Variants in LRRC8A observed in about 807,000 individuals in gnomAD.
LRRC8A encodes volume-regulated anion channel subunit LRRC8A.
Under a neutral mutation model 52.5 loss-of-function variants are expected in LRRC8A, and 24 were observed. The observed-to-expected ratio is 0.46, with a 90% CI of 0.33 to 0.64. LRRC8A has a LOEUF of 0.64. Ranked by LOEUF, LRRC8A falls within the 30% of genes least tolerant of loss-of-function variation. The pLI is 0.02. For synonymous variants in LRRC8A, 492 were observed against 494.2 expected, an observed-to-expected ratio of 1.00 and a Z score of 0.06; for missense variants, 677 against 1,094.7, an observed-to-expected ratio of 0.62 and a Z score of 5.38.
intron 2 of LRRC8A, among the ~76,000 whole-genome samples, chr9:128,905,924 G>A (rs1047948587): frequency 6.6e-6 from 1 of 152,154 alleles, no homozygotes; most frequent in African/African-American, 2.4e-5. Flanking sequence ...TGCTGTTGCT[G>A]CTGTTTTTAA....
At chr9:128,882,352 T>C in intron 1 of LRRC8A, 102 bp downstream of exon 1, 1 of 193,998 alleles carries the variant, frequency 5.2e-6, no homozygotes, top group Non-Finnish European at 1.0e-5. Flanking sequence ...CCGGGGCATC[T>C]GGGGCTCTGT....
In LRRC8A at chr9:128,907,501, T is replaced by C. The variant is rs1156354825; in HGVS notation, c.337T>C (p.Cys113Arg). The change falls in exon 3 of 4, where the codon TGC becomes CGC. Residue 113 changes from cysteine to arginine, a missense_variant. Around this residue, in one of 4 missense-constraint regions of LRRC8A, gnomAD observed 422 missense variants for 741.5 expected, o/e 0.57. Transcript: ENST00000372600. This position sits in a 1 kb window ranked among gnomAD's most constrained non-coding sequence, Gnocchi z 9.3. Reference sequence around the variant, plus strand: ...CCAGTACAACTACGTGGACGCTGTGTGCTATGAGAACCGACTGCACTGGTT... The same window carrying C: ...CCAGTACAACTACGTGGACGCTGTGCGCTATGAGAACCGACTGCACTGGTT... ...RHQYNYVDAV[C>R]YENRLHWFAK... The C allele has an allele frequency of 6.2e-7, 1 of 1,614,092 alleles. No homozygotes were observed. The highest frequency in any genetic ancestry group is 2.2e-5 in the East Asian group (1 of 44,878).
chr9:128,892,142 C>G lies in LRRC8A; in HGVS notation c.-9+6021C>G, dbSNP rs148060731. Among the ~76,000 whole-genome samples the G allele has an allele frequency of 6.6e-6, 1 of 152,350 alleles. No homozygotes were observed. Among genetic ancestry groups the G allele is most frequent in the Non-Finnish European group, 1.5e-5 (1 of 68,034 alleles). ...GCCCAGCGAGGTGAAGGGACTTTCTCACGGTCTCGTGGTGAGGTGGGTGCC... is the reference window on the plus strand; with the variant it reads ...GCCCAGCGAGGTGAAGGGACTTTCTGACGGTCTCGTGGTGAGGTGGGTGCC... On this transcript the variant is annotated intron_variant, in intron 2 of 3. Coordinates refer to ENST00000372600, the MANE Select transcript of LRRC8A (RefSeq NM_019594.4). The surrounding 1 kb of genome is among the most constrained non-coding windows in gnomAD (Gnocchi z 5.2).
chr9:128,906,874 A>G (rs991882519), intron 2 of LRRC8A, among the ~76,000 whole-genome samples: 2 of 152,210 alleles, frequency 1.3e-5, no homozygotes, highest in Non-Finnish European at 2.9e-5. Context: ...CTGAGGCTGC[A>G]CTGGGGATCT....
intron 2 of LRRC8A, among the ~76,000 whole-genome samples, chr9:128,890,085 G>A (rs1588198866): frequency 6.6e-6 from 1 of 151,746 alleles, no homozygotes; most frequent in African/African-American, 2.4e-5. Context: ...TTACAGGTGT[G>A]AGCCACCGCA....
In LRRC8A at chr9:128,908,395, T is replaced by A; in HGVS notation, c.1231T>A (p.Trp411Arg). Reference sequence around the variant, plus strand: ...GCGGCAGCTGAACCTCAACAACGAGTGGACGCTGGACAAGCTCCGGCAGCG... The same window carrying A: ...GCGGCAGCTGAACCTCAACAACGAGAGGACGCTGGACAAGCTCCGGCAGCG... ...KLRQLNLNNE[W>R]TLDKLRQRLT... The change falls in exon 3 of 4, where the codon TGG (tryptophan) becomes AGG (arginine). Residue 411 changes from tryptophan to arginine, a missense_variant. Physicochemically the swap from Trp to Arg is moderately radical, Grantham distance 101 (BLOSUM62 -3). Transcript: ENST00000372600. 1 of 1,613,424 alleles carries A rather than the reference T, an allele frequency of 6.2e-7. No homozygotes were observed. The highest frequency in any genetic ancestry group is 8.5e-7 in the Non-Finnish European group (1 of 1,179,956).
At chr9:128,884,145 C>T (rs754696140) in intron 1 of LRRC8A, among the ~76,000 whole-genome samples, 3 of 152,180 alleles carry the variant, frequency 2.0e-5, no homozygotes, top group Non-Finnish European at 2.9e-5. Flanking sequence ...CTGGGGATCA[C>T]TGCCGTGGGT....
chr9:128,904,875 G>A (rs1840176108), intron 2 of LRRC8A, among the ~76,000 whole-genome samples: 1 of 151,858 alleles, frequency 6.6e-6, no homozygotes, highest in Non-Finnish European at 1.5e-5. Flanking sequence ...GCGGGTGCCT[G>A]TAGTCCCAGC....
chr9:128,894,921 G>A (rs1839766762), intron 2 of LRRC8A, among the ~76,000 whole-genome samples: 1 of 151,438 alleles, frequency 6.6e-6, no homozygotes, highest in South Asian at 2.1e-4. Context: ...CATTCATATT[G>A]TGTATCCATC....
chr9:128,914,240 C>T (rs569640765), intron 3 of LRRC8A, among the ~76,000 whole-genome samples: 1 of 148,454 alleles, frequency 6.7e-6, no homozygotes, highest in South Asian at 2.2e-4. Context: ...AAGCACTCTG[C>T]CGGGCCTTGG....
chr9:128,897,122 G>GTA (rs1302277550), intron 2 of LRRC8A, among the ~76,000 whole-genome samples: 3 of 152,164 alleles, frequency 2.0e-5, no homozygotes, highest in Non-Finnish European at 2.9e-5. Context: ...GTCTTTCGAT[G>GTA]TATGCTTTAA....
rs1840062375 is a variant in LRRC8A, at chr9:128,902,426, A to G, written c.-8-4731A>G. 6.6e-6 allele frequency among the ~76,000 whole-genome samples: 1 copy of G among 152,154 alleles called. No homozygotes were observed. Among genetic ancestry groups the G allele is most frequent in the South Asian group, 2.1e-4 (1 of 4,828 alleles). On this transcript the variant is annotated intron_variant, in intron 2 of 3. Coordinates refer to ENST00000372600, the MANE Select transcript of LRRC8A (RefSeq NM_019594.4). This position sits in a 1 kb window ranked among gnomAD's most constrained non-coding sequence, Gnocchi z 4.1. ...AGGAGGAGTCTGGGTGGTACAGACA[A>G]GCCCCAGGTCGGCGGGGCTGGGGCG... is the stretch of plus-strand genomic sequence containing the variant.
At chr9:128,890,909 G>A (rs1839591872) in intron 2 of LRRC8A, among the ~76,000 whole-genome samples, 1 of 152,150 alleles carries the variant, frequency 6.6e-6, no homozygotes, top group South Asian at 2.1e-4. Flanking sequence ...CCAGCACTTT[G>A]GGAGGCTGAG....
At chr9:128,909,408 C>A in intron 3 of LRRC8A, 87 bp downstream of exon 3, 1 of 1,315,566 alleles carries the variant, frequency 7.6e-7, no homozygotes, top group Non-Finnish European at 1.1e-6. Flanking sequence ...GCTCAGTGTC[C>A]TGGGACCGTC....
At chr9:128,885,280 C>G (rs1276393974) in intron 1 of LRRC8A, 1 of 152,200 alleles carries the variant, frequency 6.6e-6, no homozygotes, top group Non-Finnish European at 1.5e-5. Flanking sequence ...TCTGCCTGAC[C>G]CAGCCACCCC....
chr9:128,916,825 C>G lies in LRRC8A; in HGVS notation c.*454C>G, dbSNP rs1050512559. On this transcript the variant is annotated 3_prime_UTR_variant, in exon 4 of 4. Transcript: ENST00000372600. This position sits in a 1 kb window ranked among gnomAD's most constrained non-coding sequence, Gnocchi z 6.1. The stretch of plus-strand genomic sequence containing the variant: ...CAGGGAAAGGTGGGCTGCCTTTTCC[C>G]CTTGTCCTTATTTAGCGATGCCGCC... The G allele has an allele frequency of 6.1e-6, 1 of 164,850 alleles. No individual in the cohort carries two copies. The highest frequency in any genetic ancestry group is 1.3e-5 in the Non-Finnish European group (1 of 74,628). The allele number at this position is 164,850 out of a possible 1,614,324, so 10.2% of individuals were successfully genotyped here.
At chr9:128,904,143 T>C (rs1316977766) in intron 2 of LRRC8A, among the ~76,000 whole-genome samples, 1 of 152,176 alleles carries the variant, frequency 6.6e-6, no homozygotes, top group African/African-American at 2.4e-5. Context: ...ACAGACACAT[T>C]TGACACAGGC....
At chr9:128,882,731 G>T (rs1353859939) in intron 1 of LRRC8A, 2 of 398,806 alleles carry the variant, frequency 5.0e-6, no homozygotes, top group East Asian at 7.1e-5. Context: ...TCCGATGGGG[G>T]CAGTGCCCTG....
chr9:128,904,606 G>C (rs958210582), intron 2 of LRRC8A, among the ~76,000 whole-genome samples: 1 of 152,138 alleles, frequency 6.6e-6, no homozygotes, highest in Non-Finnish European at 1.5e-5. Context: ...CCAACACTTT[G>C]GGAGGCTAAG....
Sources: gnomAD v4.1 joint callset for allele counts (sites outside exome capture counted in the v4.1 genomes callset) on GRCh38, gnomAD v4.1.1 for gene constraint, gnomAD v4.1.1 regional missense constraint, Gnocchi (gnomAD v3.1) non-coding constraint, MANE v1.5 for transcripts, NCBI Gene and HGNC (gene_info 2026-07-23, HGNC 2026-07-21) for gene names.